Variants in DLGAP1 observed in about 807,000 individuals in gnomAD.
The protein encoded by DLGAP1 is DLG associated protein 1.
DLGAP1 carries 11 observed loss-of-function variants against 90.8 expected under a neutral mutation model. The observed-to-expected ratio is 0.12, with a 90% confidence interval of 0.08 to 0.20. DLGAP1 has a LOEUF of 0.20. DLGAP1 is among the 10% of genes least tolerant of loss of function. The probability of loss-of-function intolerance (pLI) is 1.00; values close to 1 mark genes in which losing one functional copy is unlikely to be tolerated. For missense variants in DLGAP1, 1,050 were observed against 1,333.8 expected (o/e 0.79, Z 3.31); for synonymous variants, 558 against 540.7 (o/e 1.03, Z -0.44).
intron 7 of DLGAP1, among the ~76,000 whole-genome samples, chr18:3,682,859 CTTT>C (rs762260717): frequency 7.1e-6 from 1 of 141,290 alleles, no homozygotes. Context: ...TTCTTTCTTT[CTTT>C]TTTTTTTTTT....
intron 3 of DLGAP1, among the ~76,000 whole-genome samples, chr18:3,883,034 A>T (rs2071217241): frequency 1.3e-5 from 2 of 152,244 alleles, no homozygotes; most frequent in Admixed American, 1.3e-4. Context: ...ACCTGAAGTC[A>T]GGAGTTCAAG....
At position 4,286,359 on chromosome 18, in the gene DLGAP1, C is replaced by T. The variant is rs531507520; in HGVS notation, c.-266-135072G>A. ...CAAGGAAAACTATTCCAAACAGGAC[C>T]GTTCTCTGAGCCTAGAATGTTCAAG... On this transcript the variant is annotated intron_variant, in intron 1 of 12. Coordinates refer to ENST00000315677, the MANE Select transcript of DLGAP1 (RefSeq NM_004746.4). 7.9e-5 allele frequency among the ~76,000 whole-genome samples: 12 copies of T among 152,192 alleles called. No individual in the cohort carries two copies. In the South Asian group the frequency reaches 1.0e-3, roughly 13 times the overall value.
chr18:3,693,139 A>C (rs1435741259), intron 7 of DLGAP1, among the ~76,000 whole-genome samples: 2 of 152,206 alleles, frequency 1.3e-5, no homozygotes, highest in Non-Finnish European at 2.9e-5. Flanking sequence ...GCTGGAGTGC[A>C]GTGGTGCCAT....
intron 1 of DLGAP1, among the ~76,000 whole-genome samples, chr18:4,166,801 T>C (rs572644620): frequency 9.1e-4 from 138 of 152,328 alleles, no homozygotes; most frequent in African/African-American, 3.2e-3. Flanking sequence ...ATATTGTATG[T>C]TTCCATTTAC....
At chr18:3,742,862 T>C (rs560304884) in intron 5 of DLGAP1, among the ~76,000 whole-genome samples, 1 of 152,336 alleles carries the variant, frequency 6.6e-6, no homozygotes, top group South Asian at 2.1e-4. Flanking sequence ...TATCTATTTC[T>C]TTCCTGTGGC....
intron 7 of DLGAP1, among the ~76,000 whole-genome samples, chr18:3,659,491 A>C (rs990705061): frequency 7.0e-6 from 1 of 142,126 alleles, no homozygotes; most frequent in African/African-American, 2.7e-5. Flanking sequence ...AGTCTGCAGA[A>C]GTGTTTGAAA....
At chr18:4,158,511 T>G (rs1400339504) in intron 1 of DLGAP1, among the ~76,000 whole-genome samples, 4 of 152,208 alleles carry the variant, frequency 2.6e-5, no homozygotes, top group Admixed American at 2.6e-4. Context: ...ATTATTAACT[T>G]ACAGCTTAAG....
chr18:3,521,336 T>G (rs1020650985), intron 10 of DLGAP1, among the ~76,000 whole-genome samples: 8 of 152,150 alleles, frequency 5.3e-5, no homozygotes, highest in African/African-American at 1.9e-4. Context: ...TGCTGACAAC[T>G]TTTCCTTGGT....
rs982396943 is a variant in DLGAP1 at position 4,201,837 on chromosome 18, T to C, written c.-266-50550A>G. On this transcript the variant is annotated intron_variant, in intron 1 of 12. Transcript: ENST00000315677. ...AGTCAAAAACCAATAGATGTTGGCATGGATGCAATGAAAAGCGAACAGTTA... is the reference window on the plus strand; with the variant it reads ...AGTCAAAAACCAATAGATGTTGGCACGGATGCAATGAAAAGCGAACAGTTA... Among the ~76,000 whole-genome samples, 13 of 152,176 alleles carry C rather than the reference T, an allele frequency of 8.5e-5. No individual in the cohort carries two copies. In the East Asian group the frequency reaches 9.7e-4, roughly 11 times the overall value.
rs76812408 is a variant in DLGAP1 at position 4,291,171 on chromosome 18, T to A, written c.-266-139884A>T. 7.4e-4 allele frequency among the ~76,000 whole-genome samples: 112 copies of A among 152,322 alleles called. 1 individual carries two copies. The East Asian group carries it at 0.015, about 20-fold the overall frequency. ...TATTTATGATGACATCTGGGCTTCC[T>A]GGTCTTGGCGCAGTTCAGGCAGATA... On this transcript the variant is annotated intron_variant, in intron 1 of 12. Coordinates refer to ENST00000315677, the MANE Select transcript of DLGAP1 (RefSeq NM_004746.4).
chr18:3,984,095 G>C (rs1375283289), intron 3 of DLGAP1: 2 of 152,162 alleles, frequency 1.3e-5, no homozygotes, highest in Non-Finnish European at 2.9e-5. Flanking sequence ...GCAGTCTTTT[G>C]AAAGAGAAAA....
intron 1 of DLGAP1, among the ~76,000 whole-genome samples, chr18:4,272,187 T>C (rs1048909876): frequency 6.6e-6 from 1 of 152,216 alleles, no homozygotes; most frequent in Non-Finnish European, 1.5e-5. Flanking sequence ...TTCTTAGAAC[T>C]GCGTAATTCT....
intron 10 of DLGAP1, among the ~76,000 whole-genome samples, chr18:3,509,864 C>G (rs1398696563): frequency 6.6e-6 from 1 of 152,136 alleles, no homozygotes; most frequent in Admixed American, 6.5e-5. Context: ...TCTACCTAGG[C>G]GTTACTCAAG....
chr18:4,269,348 ATATAT>A (rs2079203832), intron 1 of DLGAP1, among the ~76,000 whole-genome samples: 2 of 133,490 alleles, frequency 1.5e-5, no homozygotes, highest in South Asian at 4.5e-4. Context: ...ATATATATAT[ATATAT>A]ATTTTTTTTT....
intron 7 of DLGAP1, among the ~76,000 whole-genome samples, chr18:3,649,193 G>A (rs996999355): frequency 6.6e-6 from 1 of 152,190 alleles, no homozygotes; most frequent in African/African-American, 2.4e-5. Context: ...TCAGTCTTCA[G>A]TCAGCACTTG....
intron 3 of DLGAP1, among the ~76,000 whole-genome samples, chr18:3,968,585 C>A (rs773673247): frequency 2.0e-4 from 30 of 152,108 alleles, no homozygotes; most frequent in Non-Finnish European, 3.4e-4. Context: ...TATTTGTATT[C>A]CTGGCTTTCA....
intron 1 of DLGAP1, among the ~76,000 whole-genome samples, chr18:4,311,975 C>CA (rs1330990987): frequency 1.3e-5 from 2 of 152,162 alleles, no homozygotes; most frequent in African/African-American, 2.4e-5. Flanking sequence ...CTTGGCCTCC[C>CA]AAAGTGCTGG....
At chr18:3,607,817 G>C (rs2057393687) in intron 7 of DLGAP1, 2 of 152,104 alleles carry the variant, frequency 1.3e-5, no homozygotes, top group South Asian at 4.1e-4. Flanking sequence ...AGTTTTAGGG[G>C]TGGCTAAGCC....
At chr18:3,841,603 T>A (rs770219232) in intron 4 of DLGAP1, among the ~76,000 whole-genome samples, 3 of 152,166 alleles carry the variant, frequency 2.0e-5, no homozygotes, top group Non-Finnish European at 4.4e-5. Context: ...TTCCTTAATA[T>A]CAGCATCATA....
Sources: gnomAD v4.1 joint callset for allele counts (sites outside exome capture counted in the v4.1 genomes callset) on GRCh38, gnomAD v4.1.1 for gene constraint, MANE v1.5 for transcripts, NCBI Gene and HGNC (gene_info 2026-07-23, HGNC 2026-07-21) for gene names.